Variants in COL5A2 observed in about 807,000 individuals in gnomAD.
COL5A2 encodes the protein collagen type V alpha 2 chain.
A neutral mutation model predicts 208.2 loss-of-function variants in COL5A2; 23 were observed. The ratio of observed to expected loss-of-function variants is 0.11; its 90% CI spans 0.08 to 0.16. COL5A2 has a LOEUF of 0.16. Among genes scored for constraint, COL5A2 ranks in the 10% least tolerant of loss-of-function variants. The pLI, the probability that COL5A2 is intolerant of heterozygous loss-of-function variation, is 1.00. For missense variants in COL5A2, 1,590 were observed against 1,956.4 expected, an observed-to-expected ratio of 0.81 and a Z score of 3.53; for synonymous variants, 625 against 628.5, an observed-to-expected ratio of 0.99 and a Z score of 0.08.
chr2:189,119,407 G>GA (rs1456815732), intron 1 of COL5A2, among the ~76,000 whole-genome samples: 1 of 151,986 alleles, frequency 6.6e-6, no homozygotes, highest in Non-Finnish European at 1.5e-5. Flanking sequence ...TCCTATTAGG[G>GA]AAAATACAAA....
chr2:189,133,785 A>C (rs892211028), intron 1 of COL5A2, among the ~76,000 whole-genome samples: 1 of 152,192 alleles, frequency 6.6e-6, no homozygotes, highest in African/African-American at 2.4e-5. Flanking sequence ...TGTTAATGAC[A>C]GAATCAGAGG....
At chr2:189,185,645 C>T (rs559466279) in intron 1 of COL5A2, among the ~76,000 whole-genome samples, 4 of 152,150 alleles carry the variant, frequency 2.6e-5, no homozygotes, top group Non-Finnish European at 4.4e-5. Flanking sequence ...ATAAAACCCA[C>T]GAGCATGTTC....
chr2:189,386,198 CTT>C, the COL5A2 span, among the ~76,000 whole-genome samples: 1 of 151,984 alleles, frequency 6.6e-6, no homozygotes, highest in East Asian at 1.9e-4. Flanking sequence ...CACAGCCAAA[CTT>C]ATATCAATAA....
the COL5A2 span, among the ~76,000 whole-genome samples, chr2:189,350,469 T>A: frequency 6.6e-6 from 1 of 152,088 alleles, no homozygotes; most frequent in African/African-American, 2.4e-5. Flanking sequence ...AAAATGTATA[T>A]AATTACATAA....
At chr2:189,122,428 TACATAGCTTCA>T (rs1687522967) in intron 1 of COL5A2, among the ~76,000 whole-genome samples, 1 of 152,148 alleles carries the variant, frequency 6.6e-6, no homozygotes, top group African/African-American at 2.4e-5. Context: ...ACATGTCATA[TACATAGCTTCA>T]GGAGGGGATG....
chr2:189,364,788 T>C, the COL5A2 span, among the ~76,000 whole-genome samples: 1 of 152,160 alleles, frequency 6.6e-6, no homozygotes, highest in Non-Finnish European at 1.5e-5. Context: ...TGACCAGTAT[T>C]CCTCAAAACT....
chr2:189,098,035 T>TC (rs770630921), intron 5 of COL5A2, among the ~76,000 whole-genome samples: 62 of 150,962 alleles, frequency 4.1e-4, no homozygotes, highest in Non-Finnish European at 8.0e-4. Flanking sequence ...AAAATGTTTT[T>TC]CCCCCCCTGG....
chr2:189,150,662 T>C (rs1054000679), intron 1 of COL5A2, among the ~76,000 whole-genome samples: 1 of 152,294 alleles, frequency 6.6e-6, no homozygotes, highest in East Asian at 1.9e-4. Context: ...AAGTTTTCTG[T>C]AGACAATAAA....
chr2:189,235,161 G>C, the COL5A2 span, among the ~76,000 whole-genome samples: 1 of 151,622 alleles, frequency 6.6e-6, no homozygotes. Flanking sequence ...CATGAGTCCA[G>C]TGTCTGCTAT....
rs952993848 is a variant in COL5A2 at position 189,051,458 on chromosome 2, G to A, written c.2793C>T (p.Pro931=). The change falls in exon 42 of 54, where the codon CCC becomes CCT. Residue 931 remains proline (P), a synonymous_variant. Transcript: ENST00000374866. ...GPAGAPGPAG[P]LGEPGKEGPP... ...GTCCCTCCTTCCCGGGTTCCCCTAGGGGTCCCGCAGGTCCTGGAGCTCCCT... is the reference window on the plus strand; with the variant it reads ...GTCCCTCCTTCCCGGGTTCCCCTAGAGGTCCCGCAGGTCCTGGAGCTCCCT... 2.5e-6 allele frequency: 4 copies of A among 1,609,820 alleles called. No individual in the cohort carries two copies. In the African/African-American group the frequency reaches 5.4e-5, roughly 22 times the overall value.
At chr2:189,287,035 C>A in the COL5A2 span, among the ~76,000 whole-genome samples, 1 of 152,010 alleles carries the variant, frequency 6.6e-6, no homozygotes, top group African/African-American at 2.4e-5. Flanking sequence ...ATGGTTTATA[C>A]TTTTGAGACA....
chr2:189,330,122 A>G, the COL5A2 span, among the ~76,000 whole-genome samples: 18 of 152,188 alleles, frequency 1.2e-4, no homozygotes, highest in Non-Finnish European at 2.6e-4. Flanking sequence ...CCAATTCCCC[A>G]TTTGACCTTC....
chr2:189,245,126 A>G, the COL5A2 span, among the ~76,000 whole-genome samples: 1 of 152,198 alleles, frequency 6.6e-6, no homozygotes, highest in East Asian at 1.9e-4. Context: ...ATTCAAGATG[A>G]GATCTGGATG....
At chr2:189,175,396 C>A (rs1688656132) in intron 1 of COL5A2, among the ~76,000 whole-genome samples, 1 of 151,380 alleles carries the variant, frequency 6.6e-6, no homozygotes, top group African/African-American at 2.4e-5. Flanking sequence ...CCATTTAGGA[C>A]CATAAAAATA....
chr2:189,066,310 C>G, intron 23 of COL5A2, 80 bp downstream of exon 23: 1 of 1,287,190 alleles, frequency 7.8e-7, no homozygotes, highest in Non-Finnish European at 1.1e-6. Context: ...CTTAACTGTT[C>G]TAGTTTTCCT....
At chr2:189,271,846 C>G in the COL5A2 span, among the ~76,000 whole-genome samples, 1 of 151,864 alleles carries the variant, frequency 6.6e-6, no homozygotes, top group Non-Finnish European at 1.5e-5. Flanking sequence ...AAAAGTGGGC[C>G]AAGGATATGA....
In COL5A2 at chr2:189,064,544, G is replaced by C. The variant is rs779517028; in HGVS notation, c.1716+13C>G. ...CTCCCCTTTGATGTAGCAAACACTT[G>C]CTATATTCTTACCCGAGCACCTGGA... On this transcript the variant is annotated intron_variant, in intron 25 of 53. Coordinates refer to ENST00000374866, the MANE Select transcript of COL5A2 (RefSeq NM_000393.5). 3.0e-5 allele frequency: 48 copies of C among 1,595,264 alleles called. No individual in the cohort carries two copies. Among genetic ancestry groups the C allele is most frequent in the Non-Finnish European group, 4.1e-5 (48 of 1,163,130 alleles).
At chr2:189,400,334 A>G in the COL5A2 span, among the ~76,000 whole-genome samples, 1 of 152,138 alleles carries the variant, frequency 6.6e-6, no homozygotes, top group African/African-American at 2.4e-5. Context: ...TTTGTCTCAC[A>G]TATTTCTTAT....
At chr2:189,101,906 T>C (rs1470577665) in intron 3 of COL5A2, among the ~76,000 whole-genome samples, 2 of 152,032 alleles carry the variant, frequency 1.3e-5, no homozygotes, top group Non-Finnish European at 2.9e-5. Flanking sequence ...TCAACATATA[T>C]GGGCTTCAAA....
Sources: gnomAD v4.1 joint callset for allele counts (sites outside exome capture counted in the v4.1 genomes callset) on GRCh38, gnomAD v4.1.1 for gene constraint, MANE v1.5 for transcripts, NCBI Gene and HGNC (gene_info 2026-07-23, HGNC 2026-07-21) for gene names.